The following SPARCL1 variants were observed in gnomAD, a reference collection of about 807,000 sequenced individuals.
The protein encoded by SPARCL1 is SPARC like 1.
A neutral mutation model predicts 67.1 loss-of-function variants in SPARCL1; 52 were observed. The ratio of observed to expected loss-of-function variants is 0.78; its 90% CI spans 0.62 to 0.98. The LOEUF (loss-of-function observed/expected upper bound fraction) is 0.98. SPARCL1 is among the 50% of genes least tolerant of loss of function. The pLI, the probability that SPARCL1 is intolerant of heterozygous loss-of-function variation, is 0.00. For missense variants in SPARCL1, 717 were observed against 782.4 expected (o/e 0.92, Z 1.00); for synonymous variants, 226 against 267.8 (o/e 0.84, Z 1.52).
At chr4:87,499,964 C>G (rs887527339) in intron 1 of SPARCL1, among the ~76,000 whole-genome samples, 3 of 152,066 alleles carry the variant, frequency 2.0e-5, no homozygotes, top group Admixed American at 1.3e-4. Flanking sequence ...GAAACACATT[C>G]ATTCAGTGAA....
intron 4 of SPARCL1, among the ~76,000 whole-genome samples, chr4:87,493,124 G>A (rs1428394973): frequency 6.6e-6 from 1 of 152,142 alleles, no homozygotes; most frequent in Non-Finnish European, 1.5e-5. Flanking sequence ...GCATTTCCGT[G>A]CCTGAAAAAT....
chr4:87,500,855 A>C (rs1724815612), intron 1 of SPARCL1, among the ~76,000 whole-genome samples: 1 of 152,196 alleles, frequency 6.6e-6, no homozygotes, highest in Admixed American at 6.5e-5. Flanking sequence ...TAATTTTATC[A>C]TAATTCTTGT....
At chr4:87,520,485 C>G (rs1431791759) in intron 1 of SPARCL1, among the ~76,000 whole-genome samples, 1 of 151,986 alleles carries the variant, frequency 6.6e-6, no homozygotes, top group East Asian at 1.9e-4. Context: ...AACGTTTTTC[C>G]TTTTTGTGGG....
rs1724529436 is a variant in SPARCL1 at position 87,494,479 on chromosome 4, T to G, written c.321A>C (p.Leu107Phe). The G allele has an allele frequency of 6.2e-7, 1 of 1,613,984 alleles. No homozygotes were observed. Among genetic ancestry groups the G allele is most frequent in the Admixed American group, 1.7e-5 (1 of 59,986 alleles). The change falls in exon 4 of 11, where the codon TTA becomes TTC. Residue 107 changes from leucine to phenylalanine, a missense_variant. Physicochemically the swap from Leu to Phe is conservative, Grantham distance 22. Coordinates refer to ENST00000282470, the MANE Select transcript of SPARCL1 (RefSeq NM_004684.6). Reference sequence around the variant, plus strand: ...TTGGTGCATACTCCAAATTCACACTTAAGTGACCATCACTGTCCTCTTGAT... The same window carrying G: ...TTGGTGCATACTCCAAATTCACACTGAAGTGACCATCACTGTCCTCTTGAT... Reference protein sequence around the residue: ...LKDQEDSDGHLSVNLEYAPTE... With the variant: ...LKDQEDSDGHFSVNLEYAPTE...
At position 87,482,749 on chromosome 4, in the gene SPARCL1, A is replaced by T. The variant is rs181059344; in HGVS notation, c.1532-189T>A. Among the ~76,000 whole-genome samples the T allele has an allele frequency of 5.9e-5, 9 of 152,256 alleles. No homozygotes were observed. In the East Asian group the frequency reaches 1.7e-3, roughly 29 times the overall value. ...CCTGGGGTTTTAAAAAACATACCAA[A>T]TGCCAGCTTCCAATCAAGTAAATTC... On this transcript the variant is annotated intron_variant, in intron 7 of 10. Coordinates refer to ENST00000282470, the MANE Select transcript of SPARCL1 (RefSeq NM_004684.6).
chr4:87,526,721 A>G (rs995079050), intron 1 of SPARCL1, among the ~76,000 whole-genome samples: 2 of 152,246 alleles, frequency 1.3e-5, no homozygotes, highest in Admixed American at 6.5e-5. Context: ...AGCAAAACGT[A>G]TAAGTACAAG....
intron 1 of SPARCL1, among the ~76,000 whole-genome samples, chr4:87,502,469 C>T (rs1342936367): frequency 6.6e-6 from 1 of 152,202 alleles, no homozygotes; most frequent in Non-Finnish European, 1.5e-5. Flanking sequence ...CTACTTCTTA[C>T]TTCTATGAGA....
At chr4:87,504,182 T>TGTGGGGGG (rs1553970321) in intron 1 of SPARCL1, among the ~76,000 whole-genome samples, 1 of 21,042 alleles carries the variant, frequency 4.8e-5, no homozygotes, top group African/African-American at 2.0e-4. Context: ...TGTGTGTGTG[T>TGTGGGGGG]GGTGGGGTGG....
Position 87,479,547 on chromosome 4 carries a change from G to A in SPARCL1, c.1849C>T (p.Arg617Ter), listed in dbSNP as rs770742502. 11 of 1,614,040 alleles carry A rather than the reference G, an allele frequency of 6.8e-6. No individual in the cohort carries two copies. The highest frequency in any genetic ancestry group is 2.2e-5 in the East Asian group (1 of 44,884). ...VLTHSELAPL[R>*]ASLVPMEHCI... ...TGTTCCATGGGCACCAGAGATGCTC[G>A]CAGAGGAGCAAGTTCAGAATGTGTC... The change falls in exon 10 of 11, where the codon CGA becomes TGA. Residue 617 changes from arginine (R) to a stop codon, truncating the protein, a stop_gained. Transcript: ENST00000282470. LOFTEE classifies it high-confidence loss of function.
chr4:87,501,270 C>T (rs1017564436), intron 1 of SPARCL1, among the ~76,000 whole-genome samples: 2 of 152,122 alleles, frequency 1.3e-5, no homozygotes, highest in Admixed American at 1.3e-4. Context: ...GGGGTCACCA[C>T]GCCCTGGTAA....
intron 7 of SPARCL1, among the ~76,000 whole-genome samples, chr4:87,489,006 T>C (rs1724192395): frequency 1.3e-5 from 2 of 152,232 alleles, no homozygotes; most frequent in South Asian, 4.1e-4. Flanking sequence ...TTCAAGCCAG[T>C]GGATCTTAGC....
intron 1 of SPARCL1, among the ~76,000 whole-genome samples, chr4:87,510,509 G>A (rs1725302266): frequency 6.6e-6 from 1 of 152,178 alleles, no homozygotes; most frequent in African/African-American, 2.4e-5. Context: ...CCAGCAGAGG[G>A]AAGAAGCAGC....
At chr4:87,499,446 T>C in intron 2 of SPARCL1, 75 bp downstream of exon 2, 2 of 1,207,552 alleles carry the variant, frequency 1.7e-6, no homozygotes, top group South Asian at 2.6e-5. Context: ...TATAAGAACA[T>C]TTTCTTTTAA....
At chr4:87,478,050 G>A (rs147966141) in intron 10 of SPARCL1, among the ~76,000 whole-genome samples, 2 of 152,072 alleles carry the variant, frequency 1.3e-5, no homozygotes, top group Non-Finnish European at 2.9e-5. Flanking sequence ...ATATGCATGG[G>A]GGATATTTTA....
At chr4:87,514,347 G>A (rs1725498803) in intron 1 of SPARCL1, among the ~76,000 whole-genome samples, 1 of 152,230 alleles carries the variant, frequency 6.6e-6, no homozygotes, top group Non-Finnish European at 1.5e-5. Flanking sequence ...TCTAGGGATT[G>A]TCATATAACC....
intron 7 of SPARCL1, among the ~76,000 whole-genome samples, chr4:87,485,527 T>A (rs1195486235): frequency 6.6e-6 from 1 of 151,900 alleles, no homozygotes; most frequent in Non-Finnish European, 1.5e-5. Flanking sequence ...CTGAATTTTT[T>A]TTTTTTTTTG....
At chr4:87,510,832 C>T (rs1383624448) in intron 1 of SPARCL1, among the ~76,000 whole-genome samples, 1 of 152,234 alleles carries the variant, frequency 6.6e-6, no homozygotes, top group African/African-American at 2.4e-5. Context: ...GCTGATAACA[C>T]ACTGCTGTCT....
At position 87,494,265 on chromosome 4, in the gene SPARCL1, T is replaced by C; in HGVS notation, c.535A>G (p.Ser179Gly). ...NYSHHQLNRS[S>G]KHSQGLRDQG... ...TCCCTTAGGCCTTGGCTATGTTTACTGCTCCTGTTCAACTGATGATGTGAA... is the reference window on the plus strand; with the variant it reads ...TCCCTTAGGCCTTGGCTATGTTTACCGCTCCTGTTCAACTGATGATGTGAA... Residue 179 changes from serine (S) to glycine (G), a missense_variant, in exon 4 of 11, where the codon AGT becomes GGT. Physicochemically the swap from Ser to Gly is moderately conservative, Grantham distance 56. Transcript: ENST00000282470. The C allele has an allele frequency of 6.2e-7, 1 of 1,614,154 alleles. No individual in the cohort carries two copies. Among genetic ancestry groups the C allele is most frequent in the East Asian group, 2.2e-5 (1 of 44,884 alleles).
intron 2 of SPARCL1, among the ~76,000 whole-genome samples, chr4:87,496,200 T>TA (rs533558090): frequency 1.3e-5 from 2 of 152,112 alleles, no homozygotes; most frequent in Non-Finnish European, 2.9e-5. Flanking sequence ...TTTTATTAAT[T>TA]AAAAAACATT....
Sources: allele counts gnomAD v4.1 joint callset (sites outside exome capture counted in the v4.1 genomes callset), GRCh38; gene constraint gnomAD v4.1.1; transcripts MANE v1.5; gene names NCBI Gene and HGNC (gene_info 2026-07-23, HGNC 2026-07-21).